IPCEF1: variants seen among roughly 807,000 people sequenced by gnomAD.
IPCEF1 encodes the protein interaction protein for cytohesin exchange factors 1.
In IPCEF1, 31 loss-of-function variants were observed where a neutral mutation model predicts 50.9. The ratio of observed to expected loss-of-function variants is 0.61; its 90% CI spans 0.46 to 0.82. The LOEUF (loss-of-function observed/expected upper bound fraction) is 0.82. IPCEF1 is among the 40% of genes least tolerant of loss of function. IPCEF1 has a pLI of 0.00. For missense variants in IPCEF1, 458 were observed against 514.0 expected (o/e 0.89, Z 1.05); for synonymous variants, 181 against 192.0 (o/e 0.94, Z 0.47).
intron 3 of IPCEF1, among the ~76,000 whole-genome samples, chr6:154,262,369 T>A (rs1781622972): frequency 6.6e-6 from 1 of 152,240 alleles, no homozygotes; most frequent in African/African-American, 2.4e-5. Context: ...TAATCACATC[T>A]GTGATCTGAT....
intron 1 of IPCEF1, among the ~76,000 whole-genome samples, chr6:154,341,703 T>G (rs2128698108): frequency 6.6e-6 from 1 of 152,332 alleles, no homozygotes; most frequent in Middle Eastern, 3.4e-3. Flanking sequence ...AAGATAAAAC[T>G]AATTGTGAAA....
chr6:154,257,821 T>A (rs1158164698), intron 3 of IPCEF1, among the ~76,000 whole-genome samples: 1 of 152,164 alleles, frequency 6.6e-6, no homozygotes, highest in Non-Finnish European at 1.5e-5. Context: ...CACCGCAGCC[T>A]TCCAAGTAGC....
intron 1 of IPCEF1, among the ~76,000 whole-genome samples, chr6:154,293,639 C>T (rs374106805): frequency 9.2e-5 from 14 of 152,124 alleles, no homozygotes; most frequent in African/African-American, 2.2e-4. Flanking sequence ...GAAAAATACC[C>T]GGAGAAAAAA....
At chr6:154,234,883 A>G (rs1424147277) in intron 5 of IPCEF1, among the ~76,000 whole-genome samples, 1 of 152,236 alleles carries the variant, frequency 6.6e-6, no homozygotes, top group Non-Finnish European at 1.5e-5. Context: ...ATTTAAAAGA[A>G]TTTTGTGTGA....
rs1378503187 is a variant in IPCEF1, at chr6:154,156,860, G to C, written c.*2968C>G. 1.3e-5 allele frequency: 2 copies of C among 152,190 alleles called. No homozygotes were observed. The highest frequency in any genetic ancestry group is 3.8e-4 in the East Asian group (2 of 5,196). 9.4% of individuals were successfully genotyped at this position (152,190 alleles called of 1,614,324 possible). Reference sequence around the variant, plus strand: ...TGGATCTACAGGCTAACAACAGAGGGAAAAGGTCCTCTTCACAACCCCAAA... The same window carrying C: ...TGGATCTACAGGCTAACAACAGAGGCAAAAGGTCCTCTTCACAACCCCAAA... On this transcript the variant is annotated 3_prime_UTR_variant, in exon 12 of 12. Coordinates refer to ENST00000367220, the MANE Select transcript of IPCEF1 (RefSeq NM_001130700.2).
chr6:154,233,897 T>C (rs191069348), intron 5 of IPCEF1, among the ~76,000 whole-genome samples: 11 of 152,292 alleles, frequency 7.2e-5, no homozygotes, highest in Admixed American at 4.6e-4. Context: ...CAGCAACGAA[T>C]GGGTCTTGGG....
chr6:154,346,526 G>C (rs1784032771), intron 1 of IPCEF1, among the ~76,000 whole-genome samples: 1 of 152,108 alleles, frequency 6.6e-6, no homozygotes, highest in African/African-American at 2.4e-5. Context: ...TGGACTATCT[G>C]TATTAGTCCA....
intron 1 of IPCEF1, among the ~76,000 whole-genome samples, chr6:154,311,034 G>A (rs975240261): frequency 2.6e-5 from 4 of 152,062 alleles, no homozygotes; most frequent in African/African-American, 9.7e-5. Flanking sequence ...AACAAATGAT[G>A]TTGGAAGGGA....
Position 154,265,965 on chromosome 6 carries a change from C to G in IPCEF1, c.-17-1G>C. The G allele has an allele frequency of 6.3e-7, 1 of 1,582,462 alleles. No homozygotes were observed. The stretch of plus-strand genomic sequence containing the variant: ...GATGTCATCTTAGTAGAAACAAAAG[C>G]TAGAAGAGAAAAAATGTTTTCAGTT... On this transcript the variant is annotated splice_acceptor_variant, in intron 2 of 11. Coordinates refer to ENST00000367220, the MANE Select transcript of IPCEF1 (RefSeq NM_001130700.2). LOFTEE classifies it low-confidence loss of function (5UTR_SPLICE).
chr6:154,183,761 T>C (rs781206921), intron 10 of IPCEF1, among the ~76,000 whole-genome samples: 76 of 151,826 alleles, frequency 5.0e-4, no homozygotes, highest in Non-Finnish European at 9.6e-4. Context: ...TAGCCAGGTG[T>C]AGTGCATGCC....
chr6:154,349,210 G>T (rs1784082910), intron 1 of IPCEF1, among the ~76,000 whole-genome samples: 1 of 145,780 alleles, frequency 6.9e-6, no homozygotes, highest in African/African-American at 2.7e-5. Flanking sequence ...TATTATTATT[G>T]AGACAGGGTC....
chr6:154,346,749 T>C (rs1584012697), intron 1 of IPCEF1, among the ~76,000 whole-genome samples: 1 of 152,172 alleles, frequency 6.6e-6, no homozygotes. Flanking sequence ...CATCAGATCT[T>C]GTGAGAACTC....
intron 1 of IPCEF1, among the ~76,000 whole-genome samples, chr6:154,347,401 A>G (rs1041225424): frequency 6.6e-6 from 1 of 152,200 alleles, no homozygotes; most frequent in African/African-American, 2.4e-5. Flanking sequence ...TTTTCTCATC[A>G]GAGAAAGGGA....
At chr6:154,166,989 C>G (rs948011030) in intron 11 of IPCEF1, among the ~76,000 whole-genome samples, 2 of 151,982 alleles carry the variant, frequency 1.3e-5, no homozygotes, top group South Asian at 2.1e-4. Flanking sequence ...ATTTTTGTAG[C>G]CTTTTAGGGT....
At chr6:154,343,792 A>G (rs1200713603) in intron 1 of IPCEF1, among the ~76,000 whole-genome samples, 2 of 152,194 alleles carry the variant, frequency 1.3e-5, no homozygotes, top group Non-Finnish European at 2.9e-5. Context: ...GTCTAACAGG[A>G]AAGCCCGGCT....
At chr6:154,233,372 A>G (rs1004460122) in intron 5 of IPCEF1, among the ~76,000 whole-genome samples, 12 of 152,194 alleles carry the variant, frequency 7.9e-5, no homozygotes, top group African/African-American at 2.9e-4. Flanking sequence ...GAATAATAAT[A>G]CTAGTAAACT....
intron 2 of IPCEF1, among the ~76,000 whole-genome samples, chr6:154,270,168 G>A (rs575221319): frequency 2.0e-5 from 3 of 152,088 alleles, no homozygotes; most frequent in Admixed American, 1.3e-4. Flanking sequence ...AGACCCTAAC[G>A]ACAGGGTAAC....
intron 10 of IPCEF1, among the ~76,000 whole-genome samples, chr6:154,188,455 G>A (rs1005726599): frequency 1.3e-5 from 2 of 152,146 alleles, no homozygotes; most frequent in Non-Finnish European, 2.9e-5. Context: ...AAAATGTAAC[G>A]CAATTCATGC....
At chr6:154,225,340 C>T (rs933637447) in intron 5 of IPCEF1, among the ~76,000 whole-genome samples, 18 of 152,212 alleles carry the variant, frequency 1.2e-4, no homozygotes, top group African/African-American at 4.3e-4. Context: ...TAGAAACAGC[C>T]CAAATGCCCA....
Sources: gnomAD v4.1 joint callset for allele counts (sites outside exome capture counted in the v4.1 genomes callset) on GRCh38, gnomAD v4.1.1 for gene constraint, MANE v1.5 for transcripts, NCBI Gene and HGNC (gene_info 2026-07-23, HGNC 2026-07-21) for gene names.